The following CLBA1 variants were observed in gnomAD, a reference collection of about 807,000 sequenced individuals.
CLBA1 encodes the protein uncharacterized protein CLBA1.
CLBA1 carries 30 observed loss-of-function variants against 28.8 expected under a neutral mutation model. That is an observed-to-expected ratio of 1.04 (90% CI 0.78 to 1.41). The LOEUF (loss-of-function observed/expected upper bound fraction) is 1.41. Ranked by LOEUF, CLBA1 falls within the 40% of genes most tolerant of loss-of-function variation. The pLI, the probability that CLBA1 is intolerant of heterozygous loss-of-function variation, is 0.00. For synonymous variants in CLBA1, 160 were observed against 152.8 expected, an observed-to-expected ratio of 1.05 and a Z score of -0.35; for missense variants, 451 against 412.3, an observed-to-expected ratio of 1.09 and a Z score of -0.81.
chr14:104,992,110 GCCATGCACACGCCA>G (rs1169838814), intron 3 of CLBA1, among the ~76,000 whole-genome samples: 13 of 129,830 alleles, frequency 1.0e-4, no homozygotes, highest in African/African-American at 2.7e-4. Context: ...ACCACATGCC[GCCATGCACACGCCA>G]CCACGCACAC....
chr14:104,986,701 G>C lies in CLBA1; in HGVS notation c.270G>C (p.Lys90Asn). 2 of 1,614,076 alleles carry C rather than the reference G, an allele frequency of 1.2e-6. No individual in the cohort carries two copies. The highest frequency in any genetic ancestry group is 1.7e-6 in the Non-Finnish European group (2 of 1,180,004). ...AAGGCTTTCGGGAATCTTCAGCCAA[G>C]TCTGGACAATTCTCACAGTCCCTTG... is the stretch of plus-strand genomic sequence containing the variant. ...EFEGFRESSA[K>N]SGQFSQSLEL... The change falls in exon 1 of 5, where the codon AAG becomes AAC. Residue 90 changes from lysine to asparagine, a missense_variant. Physicochemically the swap from Lys to Asn is moderately conservative, Grantham distance 94. Transcript: ENST00000547315.
intron 2 of CLBA1, chr14:104,990,123 G>A (rs766019241): frequency 5.4e-6 from 1 of 186,888 alleles, no homozygotes; most frequent in Non-Finnish European, 1.2e-5. Context: ...GGTGGGCTCT[G>A]TGCTGGCAGC....
chr14:104,989,349 G>A, intron 2 of CLBA1: 1 of 462,472 alleles, frequency 2.2e-6, no homozygotes, highest in Admixed American at 3.4e-5. Context: ...GCTCCCCTTG[G>A]GTCTCAGTGC....
At chr14:104,992,814 G>A in intron 3 of CLBA1, 134 bp from the exon 4 acceptor site, 1 of 801,228 alleles carries the variant, frequency 1.2e-6, no homozygotes, top group Non-Finnish European at 2.2e-6. Context: ...GGGGAAACTG[G>A]TGCGCTGACC....
downstream of CLBA1, among the ~76,000 whole-genome samples, chr14:104,996,534 A>G (rs1332774298): frequency 6.6e-6 from 1 of 152,190 alleles, no homozygotes; most frequent in African/African-American, 2.4e-5. Context: ...TTTTGTTCCC[A>G]AAGTCTGGAG....
intron 2 of CLBA1, chr14:104,991,226 A>G (rs369687739): frequency 6.4e-5 from 19 of 299,172 alleles, no homozygotes; most frequent in African/African-American, 3.4e-4. Flanking sequence ...GGGTTTCACT[A>G]TGTTGGCCAG....
rs749707649 is a variant in CLBA1, at chr14:104,989,054, GA to G, written c.540del (p.Lys180AsnfsTer49). Reference sequence around the variant, plus strand: ...CCATTTCCTAGAAATAAGCAGTGAAGAAAAACCTGGCGTTGAACGTGTACAT... The same window carrying G: ...CCATTTCCTAGAAATAAGCAGTGAAGAAAACCTGGCGTTGAACGTGTACAT... ...IDHFLEISSE[E>X]KPGVERVHKL... is the part of the protein sequence containing the mutation. On this transcript the variant is annotated frameshift_variant, in exon 2 of 5. Coordinates refer to ENST00000547315, the MANE Select transcript of CLBA1 (RefSeq NM_174891.4). LOFTEE classifies it high-confidence loss of function. The G allele has an allele frequency of 5.6e-6, 9 of 1,612,952 alleles. No homozygotes were observed. In the Admixed American group the frequency reaches 1.0e-4, roughly 18 times the overall value.
At chr14:105,001,176 G>A (rs73363371) in intron 2 of CLBA1, among the ~76,000 whole-genome samples, 11,268 of 151,902 alleles carry the variant, frequency 0.074, 1,448 homozygotes, top group African/African-American at 0.26. Context: ...CAAACCCCAC[G>A]TGATCTCACT....
intron 4 of CLBA1, chr14:104,994,238 T>C (rs1163090038): frequency 1.0e-6 from 1 of 985,316 alleles, no homozygotes; most frequent in Non-Finnish European, 1.2e-6. Context: ...GGGGGAAGTC[T>C]GTGGTGTAGT....
At chr14:104,989,378 T>TG in intron 2 of CLBA1, 1 of 426,148 alleles carries the variant, frequency 2.3e-6, no homozygotes, top group African/African-American at 2.0e-5. Flanking sequence ...GTGGAGTGGG[T>TG]GGGGGCCTCG....
downstream of CLBA1, among the ~76,000 whole-genome samples, chr14:104,995,834 C>A (rs1900147533): frequency 1.3e-5 from 2 of 152,206 alleles, no homozygotes; most frequent in Admixed American, 1.3e-4. Flanking sequence ...TTGTTTGTTT[C>A]TGGGTACCAC....
intron 4 of CLBA1, 142 bp downstream of exon 4, chr14:104,993,206 G>A: frequency 6.7e-7 from 1 of 1,497,120 alleles, no homozygotes. Flanking sequence ...AAACATTTGT[G>A]CTATTTAGGG....
In CLBA1 at chr14:104,985,987, G is replaced by A. The variant is rs1027165286; in HGVS notation, c.-445G>A. The stretch of plus-strand genomic sequence containing the variant: ...CTGCTCTGCGGGCCGCGTGCGAGAG[G>A]GACTCTCGGGAGGCCCCGGGGCGCC... On this transcript the variant is annotated 5_prime_UTR_variant, in exon 1 of 5. Coordinates refer to ENST00000547315, the MANE Select transcript of CLBA1 (RefSeq NM_174891.4). The A allele has an allele frequency of 1.5e-4, 32 of 220,066 alleles. No individual in the cohort carries two copies. The highest frequency in any genetic ancestry group is 7.6e-4 in the African/African-American group (32 of 42,346). 13.6% of individuals were successfully genotyped at this position (220,066 alleles called of 1,614,324 possible). A position where few individuals can be genotyped will look rare whatever the true frequency, so the allele number is the denominator to read the frequency against.
rs925793595 is a variant in CLBA1, at chr14:104,993,110, G to A, written c.816+46G>A. 3 of 1,580,934 alleles carry A rather than the reference G, an allele frequency of 1.9e-6. No individual in the cohort carries two copies. The African/African-American group carries it at 4.1e-5, about 22-fold the overall frequency. ...GGCCTCAGGGAACCGCGCTGGCGGT[G>A]TCCACACATGTGGAGCCCTCCGCTT... On this transcript the variant is annotated intron_variant, in intron 4 of 4. Transcript: ENST00000547315.
At chr14:104,991,410 G>A (rs1490168191) in intron 2 of CLBA1, 81 bp from the exon 3 acceptor site, 19 of 1,569,534 alleles carry the variant, frequency 1.2e-5, no homozygotes, top group South Asian at 2.2e-5. Flanking sequence ...CAGGCGCCCC[G>A]CTGCGTGCCT....
rs1899854248 is a variant in CLBA1 at position 104,986,334 on chromosome 14, G to T, written c.-98G>T. 3 of 1,314,634 alleles carry T rather than the reference G, an allele frequency of 2.3e-6. No individual in the cohort carries two copies. Among genetic ancestry groups the T allele is most frequent in the Non-Finnish European group, 3.1e-6 (3 of 967,406 alleles). The allele number at this position is 1,314,634 out of a possible 1,614,324, so 81.4% of individuals were successfully genotyped here. A position where few individuals can be genotyped will look rare whatever the true frequency, so the allele number is the denominator to read the frequency against. ...GCAGCGTCCCCTGGCCCTCTCCAGG[G>T]CAGGGGAAGGTTGGGCAGTCCTGGG... is the stretch of plus-strand genomic sequence containing the variant. On this transcript the variant is annotated 5_prime_UTR_variant, in exon 1 of 5. Transcript: ENST00000547315.
intron 4 of CLBA1, chr14:104,993,282 C>A (rs966527807): frequency 1.0e-6 from 1 of 985,256 alleles, no homozygotes; most frequent in Admixed American, 6.1e-5. Context: ...CGGAAAGACT[C>A]TCAGGCCAGA....
At chr14:104,993,551 G>GTCACTTCA in intron 4 of CLBA1, 1 of 985,462 alleles carries the variant, frequency 1.0e-6, no homozygotes, top group Non-Finnish European at 1.2e-6. Context: ...TTGCCACAGA[G>GTCACTTCA]TCACTTCATC....
chr14:104,986,861 C>G lies in CLBA1; in HGVS notation c.423+7C>G. ...TGCCGTCCCACCTTCTGAGGTATTT[C>G]TGCTGTGCTGTGGTCACCATGTTGA... On this transcript the variant is annotated splice_region_variant and intron_variant, in intron 1 of 4. Coordinates refer to ENST00000547315, the MANE Select transcript of CLBA1 (RefSeq NM_174891.4). 6.2e-7 allele frequency: 1 copy of G among 1,611,960 alleles called. No homozygotes were observed. Among genetic ancestry groups the G allele is most frequent in the South Asian group, 1.1e-5 (1 of 91,038 alleles).
Sources: gnomAD v4.1 joint callset for allele counts (sites outside exome capture counted in the v4.1 genomes callset) on GRCh38, gnomAD v4.1.1 for gene constraint, MANE v1.5 for transcripts, NCBI Gene and HGNC (gene_info 2026-07-23, HGNC 2026-07-21) for gene names.